PRKG1: variants seen among roughly 807,000 people sequenced by gnomAD.
PRKG1 encodes the protein cGMP-dependent protein kinase 1.
PRKG1 carries 35 observed loss-of-function variants against 88.1 expected under a neutral mutation model. The ratio of observed to expected loss-of-function variants is 0.40; its 90% confidence interval spans 0.30 to 0.53. The LOEUF (loss-of-function observed/expected upper bound fraction) is 0.53. Ranked by LOEUF, PRKG1 falls within the 20% of genes least tolerant of loss-of-function variation. The probability of loss-of-function intolerance (pLI) is 0.59; values close to 1 mark genes in which losing one functional copy is unlikely to be tolerated. For synonymous variants in PRKG1, 303 were observed against 292.5 expected, an observed-to-expected ratio of 1.04 and a Z score of -0.37; for missense variants, 540 against 839.8, an observed-to-expected ratio of 0.64 and a Z score of 4.41.
chr10:51,183,541 A>T (rs1219375410), intron 2 of PRKG1, among the ~76,000 whole-genome samples: 1 of 101,372 alleles, frequency 9.9e-6, no homozygotes, highest in Non-Finnish European at 1.9e-5. Flanking sequence ...ACCCTATGGG[A>T]TATGTTGTAT....
At chr10:51,721,663 C>A (rs896085356) in intron 3 of PRKG1, among the ~76,000 whole-genome samples, 1 of 152,164 alleles carries the variant, frequency 6.6e-6, no homozygotes, top group Admixed American at 6.5e-5. Context: ...AATTAATAAG[C>A]ATATATTTTC....
chr10:52,289,593 C>T (rs1378752167), intron 16 of PRKG1, among the ~76,000 whole-genome samples: 1 of 152,056 alleles, frequency 6.6e-6, no homozygotes, highest in African/African-American at 2.4e-5. Context: ...ATCTGAAAAG[C>T]CTGCTAAGAA....
At chr10:51,774,029 G>A (rs955613704) in intron 3 of PRKG1, among the ~76,000 whole-genome samples, 1 of 152,128 alleles carries the variant, frequency 6.6e-6, no homozygotes, top group Non-Finnish European at 1.5e-5. Flanking sequence ...ATATGTGCAA[G>A]ACACTTTACT....
intron 2 of PRKG1, among the ~76,000 whole-genome samples, chr10:51,386,500 C>T (rs1387417393): frequency 6.6e-6 from 1 of 152,118 alleles, no homozygotes; most frequent in Non-Finnish European, 1.5e-5. Context: ...GTGCATGCTT[C>T]ATTCCAAGTA....
intron 3 of PRKG1, among the ~76,000 whole-genome samples, chr10:51,629,665 T>G (rs1839474577): frequency 6.6e-6 from 1 of 152,218 alleles, no homozygotes. Flanking sequence ...TGAAGTTGTC[T>G]CAAACATACT....
intron 1 of PRKG1, among the ~76,000 whole-genome samples, chr10:51,115,836 GAA>G (rs548541486): frequency 2.3e-5 from 3 of 131,300 alleles, no homozygotes; most frequent in Non-Finnish European, 4.7e-5. Flanking sequence ...ACTCCATCTC[GAA>G]AAAAAAAAAA....
chr10:51,190,121 C>A (rs1471997822), intron 2 of PRKG1, among the ~76,000 whole-genome samples: 3 of 151,932 alleles, frequency 2.0e-5, no homozygotes. Context: ...TTGTTGTTGT[C>A]ATATCTATAG....
chr10:51,731,916 T>C (rs888873475), intron 3 of PRKG1, among the ~76,000 whole-genome samples: 4 of 152,172 alleles, frequency 2.6e-5, no homozygotes, highest in Admixed American at 1.3e-4. Context: ...TGGCTGCCCT[T>C]CTTGCTGTGT....
At chr10:51,171,479 C>T (rs555755966) in intron 2 of PRKG1, among the ~76,000 whole-genome samples, 1 of 152,182 alleles carries the variant, frequency 6.6e-6, no homozygotes, top group East Asian at 1.9e-4. Flanking sequence ...TGGTGTCACT[C>T]AGCTGTTGTC....
At chr10:52,176,726 C>A (rs1838878187) in intron 9 of PRKG1, among the ~76,000 whole-genome samples, 1 of 152,066 alleles carries the variant, frequency 6.6e-6, no homozygotes, top group Non-Finnish European at 1.5e-5. Context: ...AGAGGACTTT[C>A]ACCTCCTTTG....
At chr10:51,261,846 T>C (rs1419973530) in intron 2 of PRKG1, among the ~76,000 whole-genome samples, 1 of 151,502 alleles carries the variant, frequency 6.6e-6, no homozygotes, top group Non-Finnish European at 1.5e-5. Context: ...TGTCGGTAGA[T>C]GGAAATTTAA....
rs73346938 is a variant in PRKG1, at chr10:52,223,208, A to G, written c.1077-28362A>G. Among the ~76,000 whole-genome samples the G allele has an allele frequency of 3.1e-3, 472 of 152,286 alleles. 3 individuals are homozygous for G. The highest frequency in any genetic ancestry group is 0.011 in the African/African-American group (453 of 41,572). ...TTTAAGAAAATTTCTTGAAATACAT[A>G]TAAACATAGCATTTCCAATTCCTCA... On this transcript the variant is annotated intron_variant, in intron 9 of 17. Transcript: ENST00000373980.
At chr10:51,260,740 T>C (rs1839684496) in intron 2 of PRKG1, among the ~76,000 whole-genome samples, 1 of 152,218 alleles carries the variant, frequency 6.6e-6, no homozygotes, top group African/African-American at 2.4e-5. Context: ...CAATGTGATG[T>C]GATTATACTT....
At chr10:52,079,011 G>T (rs761599993) in intron 7 of PRKG1, among the ~76,000 whole-genome samples, 41 of 152,128 alleles carry the variant, frequency 2.7e-4, no homozygotes, top group Non-Finnish European at 5.0e-4. Context: ...GCCTCTACTG[G>T]CATTTTAATT....
Position 51,591,186 on chromosome 10 carries a change from C to T in PRKG1, c.592+123350C>T, listed in dbSNP as rs551280033. Among the ~76,000 whole-genome samples the T allele has an allele frequency of 1.4e-3, 207 of 152,064 alleles. 3 individuals carry two copies. In the Middle Eastern group the frequency reaches 0.044, roughly 32 times the overall value. On this transcript the variant is annotated intron_variant, in intron 3 of 17. Transcript: ENST00000373980. ...GTGTGCCTGTGTGTGCACACATACA[C>T]GCATGCATACACATGTGTATGAAAG...
At position 51,987,400 on chromosome 10, in the gene PRKG1, G is replaced by A. The variant is rs144700632; in HGVS notation, c.763-67084G>A. Among the ~76,000 whole-genome samples the A allele has an allele frequency of 6.8e-3, 1,016 of 150,242 alleles. 10 individuals are homozygous for A. Among genetic ancestry groups the A allele is most frequent in the African/African-American group, 0.023 (949 of 41,086 alleles). On this transcript the variant is annotated intron_variant, in intron 5 of 17. Transcript: ENST00000373980. ...GGTTCAAGAAGGAAAACAAGCTTAT[G>A]TTCTATACGTGGTAGAAGCTTTGTT...
intron 3 of PRKG1, among the ~76,000 whole-genome samples, chr10:51,684,901 T>G (rs1327434388): frequency 1.3e-5 from 2 of 152,172 alleles, no homozygotes; most frequent in Non-Finnish European, 2.9e-5. Context: ...TATGGATTTC[T>G]TATAAATTAT....
chr10:51,780,389 A>T (rs1838555786), intron 3 of PRKG1, among the ~76,000 whole-genome samples: 2 of 152,152 alleles, frequency 1.3e-5, no homozygotes, highest in African/African-American at 4.8e-5. Context: ...CAATAAATAA[A>T]TAAATAAATT....
intron 1 of PRKG1, among the ~76,000 whole-genome samples, chr10:51,003,315 C>T (rs1176351017): frequency 6.6e-6 from 1 of 152,140 alleles, no homozygotes; most frequent in Non-Finnish European, 1.5e-5. Context: ...GACAAATTCC[C>T]GAAGTATAGC....
Sources: allele counts gnomAD v4.1 joint callset (sites outside exome capture counted in the v4.1 genomes callset), GRCh38; gene constraint gnomAD v4.1.1; transcripts MANE v1.5; gene names NCBI Gene and HGNC (gene_info 2026-07-23, HGNC 2026-07-21).